The following ZNF345 variants were observed in gnomAD, a reference collection of about 807,000 sequenced individuals.
The protein encoded by ZNF345 is zinc finger protein 345.
For synonymous variants in ZNF345, 166 were observed against 187.9 expected, an observed-to-expected ratio of 0.88 and a Z score of 0.95; for missense variants, 527 against 589.9, an observed-to-expected ratio of 0.89 and a Z score of 1.10.
rs1011334576 is a variant in ZNF345, at chr19:36,879,376, C to G, written c.*1079C>G. The G allele has an allele frequency of 3.6e-5, 6 of 166,998 alleles. No individual in the cohort carries two copies. Among genetic ancestry groups the G allele is most frequent in the Admixed American group, 2.6e-4 (4 of 15,280 alleles). 10.3% of individuals were successfully genotyped at this position (166,998 alleles called of 1,614,324 possible). A position where few individuals can be genotyped will look rare whatever the true frequency, so the allele number is the denominator to read the frequency against. ...CTTACCAATCATAGATAATCACTGT[C>G]AAACTTTTGGAGCAAATCCTTTAAT... On this transcript the variant is annotated 3_prime_UTR_variant, in exon 3 of 3. Transcript: ENST00000420450.
At chr19:36,863,319 G>A (rs2072593435) in intron 2 of ZNF345, among the ~76,000 whole-genome samples, 2 of 152,102 alleles carry the variant, frequency 1.3e-5, no homozygotes, top group Admixed American at 1.3e-4. Context: ...CAACATTTCT[G>A]GTGGATCTTA....
At chr19:36,859,878 G>GCACACACA (rs149214652) in intron 2 of ZNF345, among the ~76,000 whole-genome samples, 84 of 147,934 alleles carry the variant, frequency 5.7e-4, no homozygotes, top group African/African-American at 1.9e-3. Flanking sequence ...CTCTCTCTCT[G>GCACACACA]CACACACACA....
intron 2 of ZNF345, among the ~76,000 whole-genome samples, chr19:36,864,533 TA>T (rs1050724019): frequency 3.4e-5 from 5 of 148,972 alleles, no homozygotes; most frequent in African/African-American, 9.9e-5. Flanking sequence ...CTAAAAAATT[TA>T]AAAAAAAAAT....
intron 2 of ZNF345, among the ~76,000 whole-genome samples, chr19:36,873,729 T>C (rs1018961450): frequency 5.3e-5 from 8 of 151,846 alleles, no homozygotes; most frequent in African/African-American, 1.5e-4. Context: ...AGTGAGATCA[T>C]GCAGTATTTC....
intron 2 of ZNF345, among the ~76,000 whole-genome samples, chr19:36,875,448 A>G (rs937698914): frequency 2.0e-5 from 3 of 152,138 alleles, no homozygotes; most frequent in Non-Finnish European, 4.4e-5. Flanking sequence ...CATTTGAAGA[A>G]CTATGAAGAC....
chr19:36,885,912 T>G (rs1937305700), intron 3 of ZNF345, among the ~76,000 whole-genome samples: 1 of 152,170 alleles, frequency 6.6e-6, no homozygotes, highest in Non-Finnish European at 1.5e-5. Flanking sequence ...TACCCGCCTC[T>G]CATCACCTTT....
chr19:36,859,552 T>C, intron 2 of ZNF345, among the ~76,000 whole-genome samples: 1 of 152,074 alleles, frequency 6.6e-6, no homozygotes. Context: ...TGTTTTATAT[T>C]ATTTTTATAC....
At chr19:36,853,438 G>C (rs373916552) in intron 2 of ZNF345, among the ~76,000 whole-genome samples, 1 of 151,864 alleles carries the variant, frequency 6.6e-6, no homozygotes, top group Admixed American at 6.6e-5. Context: ...AGTAGAGACA[G>C]GGTTTCTCCA....
At chr19:36,855,839 C>T (rs2072406888) in intron 2 of ZNF345, among the ~76,000 whole-genome samples, 1 of 152,170 alleles carries the variant, frequency 6.6e-6, no homozygotes, top group South Asian at 2.1e-4. Context: ...ACATCTTTGC[C>T]ATCTTTTCTT....
intron 2 of ZNF345, among the ~76,000 whole-genome samples, chr19:36,874,160 A>T (rs1181837266): frequency 6.6e-6 from 1 of 152,158 alleles, no homozygotes; most frequent in Non-Finnish European, 1.5e-5. Flanking sequence ...AGTTAAGATT[A>T]TATCTTTTTT....
At chr19:36,872,009 T>G (rs1317587411) in intron 2 of ZNF345, among the ~76,000 whole-genome samples, 1 of 152,088 alleles carries the variant, frequency 6.6e-6, no homozygotes, top group African/African-American at 2.4e-5. Context: ...TCAGGTGATC[T>G]GCCCAACTTG....
chr19:36,890,219 G>T (rs2073036912), intron 3 of ZNF345: 1 of 152,154 alleles, frequency 6.6e-6, no homozygotes, highest in African/African-American at 2.4e-5. Flanking sequence ...ATGCACAGAA[G>T]AGAAGAGTAT....
intron 2 of ZNF345, among the ~76,000 whole-genome samples, chr19:36,854,240 T>TG (rs528460403): frequency 2.9e-4 from 42 of 146,640 alleles, no homozygotes; most frequent in African/African-American, 1.1e-3. Flanking sequence ...GTTTTGTTTT[T>TG]TTTTTTTTTT....
At chr19:36,891,571 G>A (rs1338605631) in intron 3 of ZNF345, 1 of 1,612,818 alleles carries the variant, frequency 6.2e-7, no homozygotes, top group Admixed American at 1.7e-5. Context: ...ACAGTCATAG[G>A]GTTTCTCACC....
rs184789842 is a variant in ZNF345 at position 36,877,846 on chromosome 19, A to C, written c.1016A>C (p.Glu339Ala). 5 of 1,614,072 alleles carry C rather than the reference A, an allele frequency of 3.1e-6. No individual in the cohort carries two copies. In the African/African-American group the frequency reaches 6.7e-5, roughly 22 times the overall value. The change falls in exon 3 of 3, where the codon GAG becomes GCG. Residue 339 changes from glutamate (E) to alanine (A), a missense_variant. Glu to Ala is a moderately radical substitution (Grantham distance 107). Transcript: ENST00000420450. ...CAGCATCAAAGAATGCATACTGGAGAGAAACCTTATGAATGTAAGGAATGT... is the reference window on the plus strand; with the variant it reads ...CAGCATCAAAGAATGCATACTGGAGCGAAACCTTATGAATGTAAGGAATGT... The part of the protein sequence containing the change: ...LIQHQRMHTG[E>A]KPYECKECGK...
chr19:36,892,917 T>C, exon 4 of ZNF345: 2 of 1,081,240 alleles, frequency 1.8e-6, no homozygotes, highest in Non-Finnish European at 2.4e-6. Context: ...AGGCAGGGGT[T>C]AAGCTGGAGG....
chr19:36,879,302 CTCA>C lies in ZNF345; in HGVS notation c.*1010_*1012del, dbSNP rs1170225429. 1 of 166,976 alleles carries C rather than the reference CTCA, an allele frequency of 6.0e-6. No individual in the cohort carries two copies. The highest frequency in any genetic ancestry group is 1.5e-5 in the Non-Finnish European group (1 of 68,118). 10.3% of individuals were successfully genotyped at this position (166,976 alleles called of 1,614,324 possible). On this transcript the variant is annotated 3_prime_UTR_variant, in exon 3 of 3. Coordinates refer to ENST00000420450, the MANE Select transcript of ZNF345 (RefSeq NM_001242472.2). Reference sequence around the variant, plus strand: ...CTCCATTTTAGCAAAACAGCTTTCCCTCATCATAATGTAGATAAAAAGAAAAAA... The same window carrying C: ...CTCCATTTTAGCAAAACAGCTTTCCCTCATAATGTAGATAAAAAGAAAAAA...
At chr19:36,856,327 A>G (rs1156724757) in intron 2 of ZNF345, among the ~76,000 whole-genome samples, 1 of 152,194 alleles carries the variant, frequency 6.6e-6, no homozygotes, top group Non-Finnish European at 1.5e-5. Flanking sequence ...TTGGGGATCT[A>G]AATTCAATTT....
exon 4 of ZNF345, chr19:36,892,874 T>C (rs1341979889): frequency 1.7e-6 from 2 of 1,156,792 alleles, no homozygotes; most frequent in African/African-American, 1.6e-5. Context: ...GTACAGCTTG[T>C]GGAGCTCCGA....
Sources: gnomAD v4.1 joint callset for allele counts (sites outside exome capture counted in the v4.1 genomes callset) on GRCh38, gnomAD v4.1.1 for gene constraint, MANE v1.5 for transcripts, NCBI Gene and HGNC (gene_info 2026-07-23, HGNC 2026-07-21) for gene names.